SLC24A2: variants seen among roughly 807,000 people sequenced by gnomAD.
SLC24A2 encodes the protein sodium/potassium/calcium exchanger 2.
Under a neutral mutation model 62.0 loss-of-function variants are expected in SLC24A2, and 36 were observed. The ratio of observed to expected loss-of-function variants is 0.58; its 90% CI spans 0.44 to 0.77. The LOEUF is 0.77. SLC24A2 is among the 30% of genes least tolerant of loss of function. The pLI is 0.00. For synonymous variants in SLC24A2, 358 were observed against 294.0 expected (o/e 1.22, Z -2.23); for missense variants, 846 against 817.9 (o/e 1.03, Z -0.42).
At chr9:19,921,187 A>T in the SLC24A2 span, among the ~76,000 whole-genome samples, 254 of 151,948 alleles carry the variant, frequency 1.7e-3, 4 homozygotes, top group Middle Eastern at 6.8e-3. Context: ...ATAAAATTTC[A>T]TTTAATGACC....
chr9:20,055,091 G>C, the SLC24A2 span, among the ~76,000 whole-genome samples: 2 of 152,288 alleles, frequency 1.3e-5, no homozygotes, highest in Admixed American at 1.3e-4. Context: ...GGGCAGGAAT[G>C]TATAGTTATG....
chr9:19,964,384 TAAA>T, the SLC24A2 span, among the ~76,000 whole-genome samples: 3 of 151,816 alleles, frequency 2.0e-5, no homozygotes, highest in Non-Finnish European at 4.4e-5. Flanking sequence ...ATAATAATAA[TAAA>T]AAAAGGAGTT....
chr9:20,150,773 A>G, the SLC24A2 span, among the ~76,000 whole-genome samples: 1 of 151,942 alleles, frequency 6.6e-6, no homozygotes, highest in Non-Finnish European at 1.5e-5. Context: ...TTTAAAATTA[A>G]GTTTATAAAG....
rs1589112847 is a variant in SLC24A2, at chr9:19,514,274, A to G, written c.*1879T>C. ...TGTGAGTTCTGCATCCTGTCCTCTTATGTTAAGAGGTATGTGCTCACAACA... is the reference window on the plus strand; with the variant it reads ...TGTGAGTTCTGCATCCTGTCCTCTTGTGTTAAGAGGTATGTGCTCACAACA... On this transcript the variant is annotated 3_prime_UTR_variant, in exon 11 of 11. Coordinates refer to ENST00000341998, the MANE Select transcript of SLC24A2 (RefSeq NM_020344.4). The G allele has an allele frequency of 6.6e-6, 1 of 152,120 alleles. No homozygotes were observed. The highest frequency in any genetic ancestry group is 1.5e-5 in the Non-Finnish European group (1 of 68,036). 9.4% of individuals were successfully genotyped at this position (152,120 alleles called of 1,614,324 possible).
At chr9:19,868,518 C>G in the SLC24A2 span, among the ~76,000 whole-genome samples, 1 of 152,172 alleles carries the variant, frequency 6.6e-6, no homozygotes, top group African/African-American at 2.4e-5. Context: ...TGATGTTGTG[C>G]AAGTCTTTTA....
the SLC24A2 span, among the ~76,000 whole-genome samples, chr9:19,819,093 G>T: frequency 2.0e-5 from 3 of 151,962 alleles, no homozygotes; most frequent in African/African-American, 7.2e-5. Flanking sequence ...GACATAAAGT[G>T]GGGGAAAAGA....
rs141168368 is a variant in SLC24A2 at position 19,760,526 on chromosome 9, C to T, written c.930+25411G>A. ...ATGCTATCCCTCCCCTTGTCCCTGA[C>T]CCCCCCAACAGGCTCCTGTGTGATG... On this transcript the variant is annotated intron_variant, in intron 2 of 10. Coordinates refer to ENST00000341998, the MANE Select transcript of SLC24A2 (RefSeq NM_020344.4). 2.9e-3 allele frequency among the ~76,000 whole-genome samples: 436 copies of T among 151,246 alleles called. 6 individuals carry two copies. Among genetic ancestry groups the T allele is most frequent in the East Asian group, 0.022 (112 of 5,044 alleles).
At chr9:20,306,161 G>T in the SLC24A2 span, among the ~76,000 whole-genome samples, 1 of 152,186 alleles carries the variant, frequency 6.6e-6, no homozygotes, top group Non-Finnish European at 1.5e-5. Flanking sequence ...GGGTGAGCCA[G>T]GATTCTGACA....
intron 2 of SLC24A2, among the ~76,000 whole-genome samples, chr9:19,750,274 C>T (rs1821945452): frequency 6.6e-6 from 1 of 152,006 alleles, no homozygotes; most frequent in Admixed American, 6.6e-5. Flanking sequence ...GCCTAATGAA[C>T]ACTTCTATTT....
upstream of SLC24A2, among the ~76,000 whole-genome samples, chr9:19,793,022 C>T (rs923662304): frequency 2.6e-5 from 4 of 152,140 alleles, no homozygotes; most frequent in South Asian, 2.1e-4. Flanking sequence ...CTGTGAGCCC[C>T]GTGAGAACAA....
chr9:19,554,385 G>T (rs2132765139), intron 7 of SLC24A2, among the ~76,000 whole-genome samples: 1 of 152,286 alleles, frequency 6.6e-6, no homozygotes, highest in Non-Finnish European at 1.5e-5. Context: ...ATCTAGAGAT[G>T]ATTTAAAGGA....
At chr9:19,862,988 G>A in the SLC24A2 span, among the ~76,000 whole-genome samples, 2 of 151,802 alleles carry the variant, frequency 1.3e-5, no homozygotes, top group African/African-American at 4.8e-5. Context: ...ACAGGAGTAA[G>A]TCTTTACTAC....
the SLC24A2 span, among the ~76,000 whole-genome samples, chr9:19,989,905 T>C: frequency 6.6e-6 from 1 of 152,104 alleles, no homozygotes; most frequent in Non-Finnish European, 1.5e-5. Flanking sequence ...AGAGAGGGAA[T>C]GGACAGCACA....
chr9:20,028,001 G>T, the SLC24A2 span, among the ~76,000 whole-genome samples: 1 of 152,178 alleles, frequency 6.6e-6, no homozygotes, highest in Non-Finnish European at 1.5e-5. Context: ...GAATGTGAAT[G>T]ATCTCATGTT....
chr9:20,225,292 AT>A, the SLC24A2 span, among the ~76,000 whole-genome samples: 1 of 151,730 alleles, frequency 6.6e-6, no homozygotes, highest in Non-Finnish European at 1.5e-5. Flanking sequence ...AACAATGCAC[AT>A]TGTTGTGGCA....
chr9:20,207,937 A>G, the SLC24A2 span, among the ~76,000 whole-genome samples: 1 of 152,244 alleles, frequency 6.6e-6, no homozygotes, highest in African/African-American at 2.4e-5. Flanking sequence ...GGAGAAGCAC[A>G]TTCCTTCAAT....
intron 2 of SLC24A2, among the ~76,000 whole-genome samples, chr9:19,763,982 A>G (rs1409838675): frequency 2.0e-5 from 3 of 152,152 alleles, no homozygotes; most frequent in African/African-American, 4.8e-5. Context: ...TATTGCCTCA[A>G]TTTCAGAACT....
chr9:20,063,672 T>C, the SLC24A2 span, among the ~76,000 whole-genome samples: 1 of 152,038 alleles, frequency 6.6e-6, no homozygotes, highest in African/African-American at 2.4e-5. Context: ...AAGACTTGTA[T>C]CTAGAATATA....
intron 6 of SLC24A2, among the ~76,000 whole-genome samples, chr9:19,574,138 C>A (rs900458439): frequency 1.3e-5 from 2 of 152,188 alleles, no homozygotes; most frequent in African/African-American, 4.8e-5. Context: ...GTAATTCAGA[C>A]TCTGTGAGTG....
Sources: gnomAD v4.1 joint callset for allele counts (sites outside exome capture counted in the v4.1 genomes callset) on GRCh38, gnomAD v4.1.1 for gene constraint, MANE v1.5 for transcripts, NCBI Gene and HGNC (gene_info 2026-07-23, HGNC 2026-07-21) for gene names.